Variants in FRMPD4 observed in about 807,000 individuals in gnomAD.
The protein encoded by FRMPD4 is FERM and PDZ domain-containing protein 4.
FRMPD4 carries 22 observed loss-of-function variants against 94.1 expected under a neutral mutation model. That is an observed-to-expected ratio of 0.23 (90% CI 0.17 to 0.33). The LOEUF (loss-of-function observed/expected upper bound fraction) is 0.33, where lower values mean the gene tolerates loss of function less well. Among genes scored for constraint, FRMPD4 ranks in the 10% least tolerant of loss-of-function variants. The probability of loss-of-function intolerance (pLI) is 1.00; values close to 1 mark genes in which losing one functional copy is unlikely to be tolerated. For missense variants in FRMPD4, 1,111 were observed against 1,339.9 expected, an observed-to-expected ratio of 0.83 and a Z score of 2.67; for synonymous variants, 631 against 548.6, an observed-to-expected ratio of 1.15 and a Z score of -2.10.
chrX:12,602,439 A>G (rs2148408149), intron 2 of FRMPD4, among the ~76,000 whole-genome samples: 1 of 111,523 alleles, frequency 9.0e-6, no homozygotes, highest in Admixed American at 9.6e-5. Flanking sequence ...CACCAAGGAT[A>G]ATAAGGGGAG....
chrX:12,109,940 C>T (rs1475951586), intron 3 of FRMPD4, among the ~76,000 whole-genome samples: 2 of 111,408 alleles, frequency 1.8e-5, no homozygotes, highest in Non-Finnish European at 3.8e-5. Flanking sequence ...AGCCTACCAA[C>T]CAAAAAAAGT....
chrX:12,574,034 G>A (rs1303531766), intron 2 of FRMPD4, among the ~76,000 whole-genome samples: 2 of 111,928 alleles, frequency 1.8e-5, no homozygotes, highest in African/African-American at 3.2e-5. Context: ...ACAGTCTCAC[G>A]CTGTCACCCA....
At chrX:12,278,445 C>T (rs2054475659) in intron 1 of FRMPD4, among the ~76,000 whole-genome samples, 2 of 112,243 alleles carry the variant, frequency 1.8e-5, no homozygotes, top group African/African-American at 6.5e-5. Flanking sequence ...ATTCTGTGCA[C>T]TCATTTATTA....
chrX:12,371,016 T>C (rs2056155033), intron 1 of FRMPD4, among the ~76,000 whole-genome samples: 1 of 112,172 alleles, frequency 8.9e-6, no homozygotes, highest in African/African-American at 3.2e-5. Context: ...CTTCCTGTTA[T>C]TGGATAGGGA....
intron 3 of FRMPD4, among the ~76,000 whole-genome samples, chrX:11,885,923 CTAT>C (rs1189609828): frequency 8.9e-6 from 1 of 111,734 alleles, no homozygotes; most frequent in African/African-American, 3.3e-5. Flanking sequence ...TGCATGAAAG[CTAT>C]TATTTCGAAG....
At chrX:11,983,770 C>T (rs1385427097) in intron 3 of FRMPD4, among the ~76,000 whole-genome samples, 5 of 111,285 alleles carry the variant, frequency 4.5e-5, no homozygotes, top group East Asian at 5.6e-4. Context: ...TCAAAAAGTT[C>T]GTGGAATTAA....
chrX:11,984,453 G>T (rs1457616876), intron 3 of FRMPD4, among the ~76,000 whole-genome samples: 1 of 112,096 alleles, frequency 8.9e-6, no homozygotes, highest in Non-Finnish European at 1.9e-5. Context: ...GACACTTCAG[G>T]ATCTTGATTC....
intron 2 of FRMPD4, among the ~76,000 whole-genome samples, chrX:12,591,917 C>G (rs1224942085): frequency 3.6e-5 from 4 of 111,563 alleles, no homozygotes; most frequent in Non-Finnish European, 7.5e-5. Flanking sequence ...GAAGCAAGGT[C>G]TCTCTGACTT....
chrX:12,431,358 A>AT (rs913182874), intron 1 of FRMPD4, among the ~76,000 whole-genome samples: 2 of 112,138 alleles, frequency 1.8e-5, no homozygotes, highest in African/African-American at 6.5e-5. Flanking sequence ...TTCTCACCAT[A>AT]TTTTTGAATA....
intron 1 of FRMPD4, among the ~76,000 whole-genome samples, chrX:12,488,173 C>T (rs1368206953): frequency 2.7e-5 from 3 of 111,250 alleles, no homozygotes; most frequent in African/African-American, 6.5e-5. Context: ...GAAAGGGTCT[C>T]CAGCAGACAC....
intron 1 of FRMPD4, among the ~76,000 whole-genome samples, chrX:12,457,401 G>A (rs189217420): frequency 2.7e-5 from 3 of 111,747 alleles, no homozygotes; most frequent in Admixed American, 9.5e-5. Flanking sequence ...ATTGTTTGGC[G>A]ATGAGAAGAG....
chrX:12,472,960 G>C (rs1287645268), intron 1 of FRMPD4, among the ~76,000 whole-genome samples: 5 of 109,008 alleles, frequency 4.6e-5, no homozygotes, highest in Non-Finnish European at 7.6e-5. Flanking sequence ...GAAATACAGA[G>C]AACGCCACAA....
At chrX:11,822,634 A>T (rs2053419171) in exon 1 of FRMPD4, among the ~76,000 whole-genome samples, 1 of 112,418 alleles carries the variant, frequency 8.9e-6, no homozygotes, top group Non-Finnish European at 1.9e-5. Context: ...CTGAGACTCC[A>T]CCAGGGATGG....
At chrX:12,503,538 G>A (rs2057946829) in intron 2 of FRMPD4, among the ~76,000 whole-genome samples, 1 of 112,202 alleles carries the variant, frequency 8.9e-6, no homozygotes, top group African/African-American at 3.2e-5. Context: ...CTTCGGAGTA[G>A]TTTAGTCATT....
At chrX:11,951,080 A>AG (rs2054220368) in intron 3 of FRMPD4, among the ~76,000 whole-genome samples, 2 of 106,719 alleles carry the variant, frequency 1.9e-5, no homozygotes, top group Non-Finnish European at 3.9e-5. Context: ...AAAAAAAAAA[A>AG]GGAAAAAAAC....
intron 2 of FRMPD4, among the ~76,000 whole-genome samples, chrX:12,531,325 T>C (rs1025781742): frequency 8.9e-6 from 1 of 111,951 alleles, no homozygotes; most frequent in African/African-American, 3.2e-5. Flanking sequence ...GTGGGAATAT[T>C]GATTTATTTT....
At chrX:12,166,339 A>G (rs1196577420) in intron 1 of FRMPD4, among the ~76,000 whole-genome samples, 2 of 111,863 alleles carry the variant, frequency 1.8e-5, no homozygotes, top group Non-Finnish European at 3.8e-5. Context: ...TTCTGTTTAT[A>G]TGCTGGATTG....
At chrX:12,018,788 G>A (rs1002307676) in intron 3 of FRMPD4, among the ~76,000 whole-genome samples, 5 of 111,629 alleles carry the variant, frequency 4.5e-5, no homozygotes, top group African/African-American at 1.3e-4. Context: ...ATCTTAATTT[G>A]ATTACATCTG....
chrX:11,827,540 G>C (rs2053451269), intron 1 of FRMPD4, among the ~76,000 whole-genome samples: 1 of 111,316 alleles, frequency 9.0e-6, no homozygotes, highest in Admixed American at 9.6e-5. Flanking sequence ...CAAGTAGCAA[G>C]ACTTCTAAGA....
Sources: allele counts gnomAD v4.1 joint callset (sites outside exome capture counted in the v4.1 genomes callset), GRCh38; gene constraint gnomAD v4.1.1; transcripts MANE v1.5; gene names NCBI Gene and HGNC (gene_info 2026-07-23, HGNC 2026-07-21).